Variants in SUGCT observed in about 807,000 individuals in gnomAD.
SUGCT encodes the protein succinyl-CoA:glutarate CoA-transferase.
A neutral mutation model predicts 55.0 loss-of-function variants in SUGCT; 41 were observed. That is an observed-to-expected ratio of 0.74 (90% CI 0.58 to 0.97). The LOEUF is 0.97. Ranked by LOEUF, SUGCT falls within the 50% of genes least tolerant of loss-of-function variation. SUGCT has a pLI of 0.00. For synonymous variants in SUGCT, 187 were observed against 200.4 expected, an observed-to-expected ratio of 0.93 and a Z score of 0.56; for missense variants, 568 against 547.8, an observed-to-expected ratio of 1.04 and a Z score of -0.37.
intron 12 of SUGCT, among the ~76,000 whole-genome samples, chr7:40,643,695 G>A (rs1234340017): frequency 1.3e-5 from 2 of 152,196 alleles, no homozygotes; most frequent in African/African-American, 4.8e-5. Context: ...ATATATGCCA[G>A]TACAATGGAA....
At chr7:40,274,802 T>G (rs1792354221) in intron 8 of SUGCT, 146 bp downstream of exon 8, 1 of 824,250 alleles carries the variant, frequency 1.2e-6, no homozygotes, top group South Asian at 1.8e-5. Flanking sequence ...TTGATGTACT[T>G]GTTTCTTTTC....
chr7:40,768,575 A>T (rs1788925711), intron 13 of SUGCT, among the ~76,000 whole-genome samples: 1 of 152,150 alleles, frequency 6.6e-6, no homozygotes, highest in Non-Finnish European at 1.5e-5. Flanking sequence ...TTCTAGGTAG[A>T]ATTATGTTCA....
intron 6 of SUGCT, among the ~76,000 whole-genome samples, 166 bp downstream of exon 6, chr7:40,195,226 T>TC (rs201522741): frequency 4.1e-5 from 6 of 146,830 alleles, no homozygotes; most frequent in Non-Finnish European, 6.0e-5. Flanking sequence ...TTTTTTCTTT[T>TC]TTTTTTTTTT....
intron 12 of SUGCT, among the ~76,000 whole-genome samples, chr7:40,520,739 G>A (rs1459904787): frequency 2.0e-5 from 3 of 152,046 alleles, no homozygotes; most frequent in Non-Finnish European, 2.9e-5. Context: ...AGTGACCCAG[G>A]TAAAATGACT....
At chr7:40,839,307 A>G (rs1301240701) in intron 13 of SUGCT, among the ~76,000 whole-genome samples, 2 of 152,250 alleles carry the variant, frequency 1.3e-5, no homozygotes, top group East Asian at 1.9e-4. Flanking sequence ...TACTGGCACA[A>G]TCATAGCTCA....
At chr7:40,295,508 G>A (rs1312526975) in intron 8 of SUGCT, among the ~76,000 whole-genome samples, 1 of 152,146 alleles carries the variant, frequency 6.6e-6, no homozygotes, top group Non-Finnish European at 1.5e-5. Flanking sequence ...CCTGGGAGAT[G>A]GAGTTTGTAG....
At chr7:40,708,565 G>A (rs1785541530) in intron 12 of SUGCT, among the ~76,000 whole-genome samples, 1 of 152,084 alleles carries the variant, frequency 6.6e-6, no homozygotes, top group African/African-American at 2.4e-5. Context: ...ATCACATCAT[G>A]TTCTTCTTGT....
At chr7:41,030,731 G>T in the SUGCT span, among the ~76,000 whole-genome samples, 55 of 152,206 alleles carry the variant, frequency 3.6e-4, no homozygotes, top group African/African-American at 1.3e-3. Flanking sequence ...GGTCTTTACA[G>T]TTATGATAAA....
the SUGCT span, among the ~76,000 whole-genome samples, chr7:40,930,118 C>T: frequency 6.6e-6 from 1 of 152,104 alleles, no homozygotes; most frequent in African/African-American, 2.4e-5. Context: ...AGAAGGGTAC[C>T]AGTTTCAGCT....
At chr7:40,934,733 A>G in the SUGCT span, among the ~76,000 whole-genome samples, 167 of 152,332 alleles carry the variant, frequency 1.1e-3, no homozygotes, top group Admixed American at 2.0e-3. Context: ...CCATGGGTGT[A>G]GGACCCGCCA....
At chr7:40,675,624 G>A (rs1223522214) in intron 12 of SUGCT, among the ~76,000 whole-genome samples, 2 of 152,174 alleles carry the variant, frequency 1.3e-5, no homozygotes, top group Non-Finnish European at 2.9e-5. Context: ...CTAAGATGAA[G>A]GAGGTATGGG....
chr7:40,912,456 T>C, the SUGCT span, among the ~76,000 whole-genome samples: 7 of 152,186 alleles, frequency 4.6e-5, no homozygotes, highest in Admixed American at 2.0e-4. Flanking sequence ...GGGAAAACTT[T>C]AGCAGCTGAA....
At chr7:41,008,989 C>A in the SUGCT span, among the ~76,000 whole-genome samples, 1 of 151,898 alleles carries the variant, frequency 6.6e-6, no homozygotes, top group African/African-American at 2.4e-5. Flanking sequence ...TATTAAATGT[C>A]CTGTGGTATG....
At chr7:40,481,183 T>A (rs1269480697) in intron 11 of SUGCT, among the ~76,000 whole-genome samples, 2 of 151,926 alleles carry the variant, frequency 1.3e-5, no homozygotes, top group South Asian at 2.1e-4. Context: ...ACAAAAAATA[T>A]AAAAATTAAC....
chr7:40,540,144 A>G (rs547517776), intron 12 of SUGCT, among the ~76,000 whole-genome samples: 3 of 152,260 alleles, frequency 2.0e-5, no homozygotes, highest in Non-Finnish European at 4.4e-5. Context: ...CTCATTTATC[A>G]TAAGTATAGG....
At position 40,210,464 on chromosome 7, in the gene SUGCT, GTGTGTATATATATA is replaced by G. The variant is rs554905882; in HGVS notation, c.484+15420_484+15433del. 6.4e-3 allele frequency among the ~76,000 whole-genome samples: 970 copies of G among 152,000 alleles called. 5 individuals are homozygous for G. The highest frequency in any genetic ancestry group is 0.022 in the African/African-American group (928 of 41,364). Reference sequence around the variant, plus strand: ...GCTGTATGTGCATATATATGTGTGTGTGTGTATATATATATGTGTATATATATATATATTTTGAG... The same window carrying G: ...GCTGTATGTGCATATATATGTGTGTGTGTGTATATATATATATATTTTGAG... On this transcript the variant is annotated intron_variant, in intron 6 of 13. Transcript: ENST00000335693.
chr7:40,850,075 A>G (rs1452395653), intron 13 of SUGCT, among the ~76,000 whole-genome samples: 1 of 152,164 alleles, frequency 6.6e-6, no homozygotes, highest in Non-Finnish European at 1.5e-5. Flanking sequence ...GATGGAGAGG[A>G]CATACTGGTC....
chr7:40,293,088 G>A (rs1793889600), intron 8 of SUGCT, among the ~76,000 whole-genome samples: 1 of 152,186 alleles, frequency 6.6e-6, no homozygotes, highest in East Asian at 1.9e-4. Context: ...GTTTAAAAGT[G>A]TTGAAAACTT....
At chr7:40,816,297 A>G (rs577268781) in intron 13 of SUGCT, among the ~76,000 whole-genome samples, 1 of 152,334 alleles carries the variant, frequency 6.6e-6, no homozygotes, top group South Asian at 2.1e-4. Context: ...CTGCATTAAA[A>G]ATGGCACCCT....
Sources: allele counts gnomAD v4.1 joint callset (sites outside exome capture counted in the v4.1 genomes callset), GRCh38; gene constraint gnomAD v4.1.1; transcripts MANE v1.5; gene names NCBI Gene and HGNC (gene_info 2026-07-23, HGNC 2026-07-21).